Variants in KRT12 observed in about 807,000 individuals in gnomAD.
KRT12 encodes the protein keratin 12.
A neutral mutation model predicts 50.2 loss-of-function variants in KRT12; 43 were observed. That is an observed-to-expected ratio of 0.86 (90% CI 0.67 to 1.11). KRT12 has a LOEUF of 1.11. Ranked by LOEUF, KRT12 falls within the 50% of genes least tolerant of loss-of-function variation. The pLI is 0.00. For missense variants in KRT12, 588 were observed against 625.6 expected, an observed-to-expected ratio of 0.94 and a Z score of 0.64; for synonymous variants, 257 against 253.6, an observed-to-expected ratio of 1.01 and a Z score of -0.13.
At chr17:40,862,162 G>A (rs1051353811) in intron 7 of KRT12, among the ~76,000 whole-genome samples, 4 of 152,040 alleles carry the variant, frequency 2.6e-5, no homozygotes, top group South Asian at 2.1e-4. Flanking sequence ...TCTAACTCCC[G>A]GGCTCAAGCG....
Position 40,861,640 on chromosome 17 carries a change from TG to T in KRT12, c.*20del. 1 of 1,455,032 alleles carries T rather than the reference TG, an allele frequency of 6.9e-7. No individual in the cohort carries two copies. Among genetic ancestry groups the T allele is most frequent in the Non-Finnish European group, 9.7e-7 (1 of 1,034,708 alleles). 90.1% of individuals were successfully genotyped at this position (1,455,032 alleles called of 1,614,324 possible). On this transcript the variant is annotated 3_prime_UTR_variant, in exon 8 of 8. Coordinates refer to ENST00000251643, the MANE Select transcript of KRT12 (RefSeq NM_000223.4). ...TTTCTTGTTCCTAAGGAACCAATCA[TG>T]GGGCAGATCTTGTGAAATTTTACAT...
Position 40,866,830 on chromosome 17 carries a change from G to C in KRT12, c.357C>G (p.Gly119=). Reference sequence around the variant, plus strand: ...TTTCTTTTTCTGATCCAGAAAGAAGGCCTCCATCATTGCCCGAGAGAATAC... The same window carrying C: ...TTTCTTTTTCTGATCCAGAAAGAAGCCCTCCATCATTGCCCGAGAGAATAC... ...SLGILSGNDG[G]LLSGSEKETM... is the part of the protein sequence containing the mutation. The change falls in exon 1 of 8, where the codon GGC becomes GGG. Residue 119 remains glycine, a synonymous_variant. Coordinates refer to ENST00000251643, the MANE Select transcript of KRT12 (RefSeq NM_000223.4). The C allele has an allele frequency of 6.2e-7, 1 of 1,614,042 alleles. No homozygotes were observed. Among genetic ancestry groups the C allele is most frequent in the Non-Finnish European group, 8.5e-7 (1 of 1,179,980 alleles).
intron 2 of KRT12, among the ~76,000 whole-genome samples, chr17:40,865,866 T>A (rs1222753045): frequency 6.6e-6 from 1 of 151,940 alleles, no homozygotes; most frequent in African/African-American, 2.4e-5. Context: ...AAAATTGAGG[T>A]TTAGGACACT....
chr17:40,866,652 A>G lies in KRT12; in HGVS notation c.535T>C (p.Tyr179His). ...CTGAGGTCTTCAATCAGTGGATAAT[A>G]TTTGCTGTAATCGCTCTGTGAAGCA... ...ADASQSDYSK[Y>H]YPLIEDLRNK... is the part of the protein sequence containing the mutation. Residue 179 changes from tyrosine to histidine, a missense_variant, in exon 1 of 8, where the codon TAT (tyrosine) becomes CAT (histidine). Physicochemically the swap from Tyr to His is moderately conservative, Grantham distance 83. Transcript: ENST00000251643. 6.2e-7 allele frequency: 1 copy of G among 1,614,050 alleles called. No individual in the cohort carries two copies. The highest frequency in any genetic ancestry group is 2.2e-5 in the East Asian group (1 of 44,874).
Position 40,863,476 on chromosome 17 carries a change from C to T in KRT12, c.1095+9G>A, listed in dbSNP as rs528402954. 6.2e-7 allele frequency: 1 copy of T among 1,614,242 alleles called. No homozygotes were observed. The highest frequency in any genetic ancestry group is 1.1e-5 in the South Asian group (1 of 91,090). On this transcript the variant is annotated intron_variant, in intron 5 of 7. Transcript: ENST00000251643. This position sits in a 1 kb window ranked among gnomAD's most constrained non-coding sequence, Gnocchi z 4.2. ...AAAGGATGCTACGTCTGTTTGCGCACGAGCCTACCATGGCGAGCTGGGACT... is the reference window on the plus strand; with the variant it reads ...AAAGGATGCTACGTCTGTTTGCGCATGAGCCTACCATGGCGAGCTGGGACT...
At chr17:40,861,852 G>T in intron 7 of KRT12, 94 bp from the exon 8 acceptor site, 1 of 822,620 alleles carries the variant, frequency 1.2e-6, no homozygotes, top group Non-Finnish European at 2.1e-6. Flanking sequence ...ATTAAGCATT[G>T]GTTGATACAA....
At chr17:40,862,992 C>T (rs1906857576) in intron 6 of KRT12, 131 bp downstream of exon 6, 1 of 796,730 alleles carries the variant, frequency 1.3e-6, no homozygotes, top group Non-Finnish European at 2.1e-6. Context: ...TTAGTAAATC[C>T]CAGGCATATC....
At chr17:40,865,056 A>T in intron 2 of KRT12, 94 bp from the exon 3 acceptor site, 1 of 1,330,402 alleles carries the variant, frequency 7.5e-7, no homozygotes, top group East Asian at 2.3e-5. Context: ...AAATCTGTGC[A>T]CCTACTTAAT....
rs1906892008 is a variant in KRT12, at chr17:40,863,650, C to T, written c.970-40G>A. ...ACAGCCAGGGGGCTCGAGCGCTGAG[C>T]TCGTTCGCAGGCCTTTCTGTGAATG... is the stretch of plus-strand genomic sequence containing the variant. On this transcript the variant is annotated intron_variant, in intron 4 of 7. Transcript: ENST00000251643. The surrounding 1 kb of genome is among the most constrained non-coding windows in gnomAD (Gnocchi z 4.2). The T allele has an allele frequency of 6.2e-7, 1 of 1,614,130 alleles. No individual in the cohort carries two copies. Among genetic ancestry groups the T allele is most frequent in the Non-Finnish European group, 8.5e-7 (1 of 1,180,048 alleles).
intron 3 of KRT12, 104 bp downstream of exon 3, chr17:40,864,702 T>A (rs1456449385): frequency 2.6e-6 from 3 of 1,175,884 alleles, no homozygotes; most frequent in African/African-American, 1.5e-5. Flanking sequence ...GACAATGTAT[T>A]CTCCATACTT....
chr17:40,863,923 T>C lies in KRT12; in HGVS notation c.808-59A>G, dbSNP rs889839142. 21 of 1,315,958 alleles carry C rather than the reference T, an allele frequency of 1.6e-5. No homozygotes were observed. The African/African-American group carries it at 3.1e-4, about 19-fold the overall frequency. 81.5% of individuals were successfully genotyped at this position (1,315,958 alleles called of 1,614,324 possible). On this transcript the variant is annotated intron_variant, in intron 3 of 7. Transcript: ENST00000251643. This position sits in a 1 kb window ranked among gnomAD's most constrained non-coding sequence, Gnocchi z 4.2. ...GGTCCATTGTGACTTTCGTGGGCCC[T>C]GGATACTTTTGTCCTCTTGGGCCCC...
At chr17:40,861,787 A>C (rs528534167) in intron 7 of KRT12, 29 bp from the exon 8 acceptor site, 2 of 1,408,902 alleles carry the variant, frequency 1.4e-6, no homozygotes, top group South Asian at 2.3e-5. Flanking sequence ...TAAGGGGGCA[A>C]GAGTTAGTGT....
intron 2 of KRT12, among the ~76,000 whole-genome samples, chr17:40,865,888 GGT>G (rs1907000236): frequency 6.6e-6 from 1 of 152,104 alleles, no homozygotes; most frequent in Non-Finnish European, 1.5e-5. Context: ...GTAGGATTAT[GGT>G]GTCAGTCACA....
intron 6 of KRT12, 171 bp downstream of exon 6, chr17:40,862,952 G>A (rs1369831728): frequency 8.9e-6 from 6 of 675,594 alleles, no homozygotes; most frequent in African/African-American, 1.8e-5. Context: ...TAAGATAATG[G>A]GTGAAAACAC....
rs1282392287 is a variant in KRT12, at chr17:40,861,768, A to C, written c.1388-10T>G. On this transcript the variant is annotated splice_polypyrimidine_tract_variant and intron_variant, in intron 7 of 7. Transcript: ENST00000251643. ...CGGGTTTTGGTTGGGTCTAAAGATA[A>C]AAATGGAATAAGGGGGCAAGAGTTA... is the stretch of plus-strand genomic sequence containing the variant. The C allele has an allele frequency of 6.4e-7, 1 of 1,564,206 alleles. No homozygotes were observed. The highest frequency in any genetic ancestry group is 8.8e-7 in the Non-Finnish European group (1 of 1,134,506).
intron 2 of KRT12, 149 bp downstream of exon 2, chr17:40,866,006 T>C: frequency 2.9e-6 from 2 of 689,292 alleles, no homozygotes; most frequent in Non-Finnish European, 5.3e-6. Context: ...TAGATTCTAA[T>C]TACTTTCTAG....
At position 40,866,731 on chromosome 17, in the gene KRT12, C is replaced by T. The variant is rs1451398520; in HGVS notation, c.456G>A (p.Glu152=). 2 of 1,614,206 alleles carry T rather than the reference C, an allele frequency of 1.2e-6. No individual in the cohort carries two copies. Among genetic ancestry groups the T allele is most frequent in the Admixed American group, 1.7e-5 (1 of 60,028 alleles). The part of the protein sequence containing the change: ...KVRALEEANT[E]LENKIREWYE... ...ACCATTCTCGAATTTTATTTTCTAG[C>T]TCAGTATTAGCCTCTTCTAGAGCTC... Residue 152 remains glutamate (E), a synonymous_variant, in exon 1 of 8, where the codon GAG becomes GAA. Transcript: ENST00000251643.
At position 40,863,103 on chromosome 17, in the gene KRT12, A is replaced by C; in HGVS notation, c.1316+20T>G. On this transcript the variant is annotated intron_variant, in intron 6 of 7. Coordinates refer to ENST00000251643, the MANE Select transcript of KRT12 (RefSeq NM_000223.4). The surrounding 1 kb of genome is among the most constrained non-coding windows in gnomAD (Gnocchi z 4.2). ...TTGGTCAGCCCCTGAAGGTGTTTAC[A>C]GCCTCCGTTGTCTGCTCACCCTTGG... 6.2e-7 allele frequency: 1 copy of C among 1,610,910 alleles called. No homozygotes were observed.
chr17:40,862,845 T>C (rs757566157), intron 6 of KRT12, among the ~76,000 whole-genome samples: 3 of 152,200 alleles, frequency 2.0e-5, no homozygotes, highest in Non-Finnish European at 4.4e-5. Context: ...ATATCAGAAA[T>C]TGAGTAAGTG....
Sources: gnomAD v4.1 joint callset for allele counts (sites outside exome capture counted in the v4.1 genomes callset) on GRCh38, gnomAD v4.1.1 for gene constraint, Gnocchi (gnomAD v3.1) non-coding constraint, MANE v1.5 for transcripts, NCBI Gene and HGNC (gene_info 2026-07-23, HGNC 2026-07-21) for gene names.